NCEH1: variants seen among roughly 807,000 people sequenced by gnomAD.
NCEH1 encodes neutral cholesterol ester hydrolase 1.
A neutral mutation model predicts 25.4 loss-of-function variants in NCEH1; 9 were observed. The observed-to-expected ratio is 0.35, with a 90% CI of 0.21 to 0.62. The LOEUF (loss-of-function observed/expected upper bound fraction) is 0.62, where lower values mean the gene tolerates loss of function less well. NCEH1 is among the 20% of genes least tolerant of loss of function. NCEH1 has a pLI of 0.72. For missense variants in NCEH1, 412 were observed against 501.1 expected (o/e 0.82, Z 1.70); for synonymous variants, 200 against 199.8 (o/e 1.00, Z -0.01).
At chr3:172,679,518 T>C (rs1335708008) in intron 1 of NCEH1, among the ~76,000 whole-genome samples, 1 of 151,928 alleles carries the variant, frequency 6.6e-6, no homozygotes, top group Non-Finnish European at 1.5e-5. Flanking sequence ...ATCGTTTAGC[T>C]CCCACTAATT....
At chr3:172,686,749 T>C (rs902255494) in intron 1 of NCEH1, among the ~76,000 whole-genome samples, 6 of 152,216 alleles carry the variant, frequency 3.9e-5, no homozygotes, top group Non-Finnish European at 5.9e-5. Context: ...TGCTAAACTT[T>C]CCGCACTTCC....
intron 2 of NCEH1, among the ~76,000 whole-genome samples, chr3:172,646,363 A>ATAAAT (rs60255061): frequency 0.29 from 43,952 of 151,756 alleles, 6,438 homozygotes; most frequent in Non-Finnish European, 0.32. Flanking sequence ...TCTAAAAATA[A>ATAAAT]TAATTTTAAC....
intron 1 of NCEH1, among the ~76,000 whole-genome samples, chr3:172,688,394 T>C (rs1712825494): frequency 6.6e-6 from 1 of 151,446 alleles, no homozygotes; most frequent in Non-Finnish European, 1.5e-5. Context: ...AAGGAATTTA[T>C]TGGATCTTCT....
At chr3:172,690,870 A>AT (rs1281672215) in intron 1 of NCEH1, among the ~76,000 whole-genome samples, 1 of 151,804 alleles carries the variant, frequency 6.6e-6, no homozygotes, top group Non-Finnish European at 1.5e-5. Flanking sequence ...TTTTTTTTCT[A>AT]TTTTCCAAAA....
rs189211767 is a variant in NCEH1, at chr3:172,659,333, G to A, written c.139-11219C>T. On this transcript the variant is annotated intron_variant, in intron 1 of 4. Coordinates refer to ENST00000475381, the MANE Select transcript of NCEH1 (RefSeq NM_020792.6). The stretch of plus-strand genomic sequence containing the variant: ...CAAGCAAGTATAAAGGAATTGATCT[G>A]GTTAAGTTAGTTTACTTGGGCCTCA... Among the ~76,000 whole-genome samples the A allele has an allele frequency of 1.4e-3, 210 of 152,318 alleles. 4 individuals are homozygous for A. In the East Asian group the frequency reaches 0.034, roughly 25 times the overall value.
chr3:172,701,987 C>A (rs751574582), intron 1 of NCEH1, among the ~76,000 whole-genome samples: 5 of 152,156 alleles, frequency 3.3e-5, no homozygotes, highest in Non-Finnish European at 5.9e-5. Flanking sequence ...CTCAGCTACA[C>A]CATCCTCTCC....
chr3:172,689,575 T>C (rs1415826318), intron 1 of NCEH1, among the ~76,000 whole-genome samples: 1 of 145,344 alleles, frequency 6.9e-6, no homozygotes, highest in Non-Finnish European at 1.5e-5. Context: ...CCAGGCGTGA[T>C]GGCACGAGCC....
intron 1 of NCEH1, among the ~76,000 whole-genome samples, chr3:172,650,783 G>C (rs1008705138): frequency 3.8e-5 from 5 of 130,582 alleles, no homozygotes; most frequent in Non-Finnish European, 7.7e-5. Flanking sequence ...CTGCAATCCA[G>C]CCTGGATGAC....
At chr3:172,663,049 A>G (rs574869014) in intron 1 of NCEH1, among the ~76,000 whole-genome samples, 1 of 151,924 alleles carries the variant, frequency 6.6e-6, no homozygotes, top group African/African-American at 2.4e-5. Flanking sequence ...TTTAATTGTG[A>G]TGTTAGGGTG....
chr3:172,682,438 G>C (rs894773035), intron 1 of NCEH1, among the ~76,000 whole-genome samples: 5 of 152,100 alleles, frequency 3.3e-5, no homozygotes, highest in Admixed American at 6.5e-5. Context: ...TGGGTCTGGG[G>C]GGGTAATGGT....
intron 1 of NCEH1, among the ~76,000 whole-genome samples, chr3:172,681,436 G>A (rs1712370418): frequency 6.6e-6 from 1 of 152,074 alleles, no homozygotes; most frequent in South Asian, 2.1e-4. Context: ...CGTATCCAAA[G>A]GTGAAAATAA....
At chr3:172,648,924 A>G (rs1278118012) in intron 1 of NCEH1, among the ~76,000 whole-genome samples, 1 of 152,170 alleles carries the variant, frequency 6.6e-6, no homozygotes, top group Non-Finnish European at 1.5e-5. Flanking sequence ...CCTTCTCTCC[A>G]CTTTCGCAAG....
intron 2 of NCEH1, 62 bp from the exon 3 acceptor site, chr3:172,645,754 A>G (rs1717090760): frequency 1.0e-6 from 1 of 994,406 alleles, no homozygotes; most frequent in Admixed American, 2.4e-5. Context: ...CCACTCATAA[A>G]TTCTGCTAAG....
intron 1 of NCEH1, among the ~76,000 whole-genome samples, chr3:172,657,459 T>C (rs1436578185): frequency 2.0e-5 from 3 of 152,150 alleles, no homozygotes; most frequent in African/African-American, 7.2e-5. Context: ...TGATTTCCAA[T>C]CACCTCATCA....
At position 172,689,775 on chromosome 3, in the gene NCEH1, A is replaced by C. The variant is rs147777645; in HGVS notation, c.138+21072T>G. 2.2e-3 allele frequency among the ~76,000 whole-genome samples: 339 copies of C among 151,782 alleles called. 3 individuals are homozygous for C. Among genetic ancestry groups the C allele is most frequent in the African/African-American group, 7.9e-3 (327 of 41,482 alleles). On this transcript the variant is annotated intron_variant, in intron 1 of 4. Coordinates refer to ENST00000475381, the MANE Select transcript of NCEH1 (RefSeq NM_020792.6). ...TCCCTTCTCAGGGTAGTATAGTAAAATTGGAAAGACTGAGAGTAAAATAGA... is the reference window on the plus strand; with the variant it reads ...TCCCTTCTCAGGGTAGTATAGTAAACTTGGAAAGACTGAGAGTAAAATAGA...
chr3:172,658,002 A>T (rs1717780919), intron 1 of NCEH1, among the ~76,000 whole-genome samples: 1 of 152,202 alleles, frequency 6.6e-6, no homozygotes, highest in African/African-American at 2.4e-5. Context: ...TGAGGCTGAG[A>T]CCTACTGGGC....
chr3:172,672,541 G>C (rs560236389), intron 1 of NCEH1, among the ~76,000 whole-genome samples: 1 of 152,302 alleles, frequency 6.6e-6, no homozygotes, highest in African/African-American at 2.4e-5. Flanking sequence ...TGATTCAGTG[G>C]AGAGACAGCT....
At chr3:172,661,722 C>G (rs565010094) in intron 1 of NCEH1, among the ~76,000 whole-genome samples, 1 of 152,110 alleles carries the variant, frequency 6.6e-6, no homozygotes, top group Admixed American at 6.5e-5. Context: ...GTATTTTATT[C>G]TCTTTGAAGC....
rs1260141330 is a variant in NCEH1, at chr3:172,633,105, T to C, written c.*370A>G. On this transcript the variant is annotated 3_prime_UTR_variant, in exon 5 of 5. Transcript: ENST00000475381. ...CCTCGTTTTTTTAACTTATTAAAGG[T>C]CACTCTATGATCCAGAGCTGGAAGA... 2 of 208,502 alleles carry C rather than the reference T, an allele frequency of 9.6e-6. No individual in the cohort carries two copies. Among genetic ancestry groups the C allele is most frequent in the Non-Finnish European group, 1.9e-5 (2 of 103,556 alleles). 12.9% of individuals were successfully genotyped at this position (208,502 alleles called of 1,614,324 possible). A position where few individuals can be genotyped will look rare whatever the true frequency, so the allele number is the denominator to read the frequency against.
Sources: gnomAD v4.1 joint callset for allele counts (sites outside exome capture counted in the v4.1 genomes callset) on GRCh38, gnomAD v4.1.1 for gene constraint, MANE v1.5 for transcripts, NCBI Gene and HGNC (gene_info 2026-07-23, HGNC 2026-07-21) for gene names.